DYNC2H1: variants seen among roughly 807,000 people sequenced by gnomAD.
DYNC2H1 encodes the protein dynein cytoplasmic 2 heavy chain 1.
A neutral mutation model predicts 570.0 loss-of-function variants in DYNC2H1; 410 were observed. The ratio of observed to expected loss-of-function variants is 0.72; its 90% CI spans 0.66 to 0.78. DYNC2H1 has a LOEUF of 0.78. Ranked by LOEUF, DYNC2H1 falls within the 30% of genes least tolerant of loss-of-function variation. The probability of loss-of-function intolerance (pLI) is 0.00; values close to 1 mark genes in which losing one functional copy is unlikely to be tolerated. For missense variants in DYNC2H1, 4,865 were observed against 5,046.4 expected, an observed-to-expected ratio of 0.96 and a Z score of 1.09; for synonymous variants, 1,688 against 1,677.6, an observed-to-expected ratio of 1.01 and a Z score of -0.15.
chr11:103,315,446 A>T (rs1247008692), intron 79 of DYNC2H1, among the ~76,000 whole-genome samples: 2 of 152,016 alleles, frequency 1.3e-5, no homozygotes, highest in Non-Finnish European at 2.9e-5. Flanking sequence ...TCAGTGTTTC[A>T]CTTATTAAGA....
Position 103,243,636 on chromosome 11 carries a change from T to C in DYNC2H1, c.9820-57T>C. 1 of 1,280,034 alleles carries C rather than the reference T, an allele frequency of 7.8e-7. No homozygotes were observed. The highest frequency in any genetic ancestry group is 1.1e-6 in the Non-Finnish European group (1 of 923,816). 79.3% of individuals were successfully genotyped at this position (1,280,034 alleles called of 1,614,324 possible). On this transcript the variant is annotated intron_variant, in intron 63 of 88. Transcript: ENST00000375735. The surrounding 1 kb of genome is among the most constrained non-coding windows in gnomAD (Gnocchi z 4.8). ...TATAATTTCTAGAAAACTATTTCCA[T>C]TTAAATGAAAGCTTATAATCATTAA...
chr11:103,173,111 T>C lies in DYNC2H1; in HGVS notation c.5364T>C (p.Phe1788=). 1 of 1,383,204 alleles carries C rather than the reference T, an allele frequency of 7.2e-7. No homozygotes were observed. The highest frequency in any genetic ancestry group is 2.2e-5 in the South Asian group (1 of 45,722). The allele number at this position is 1,383,204 out of a possible 1,614,324, so 85.7% of individuals were successfully genotyped here. The change falls in exon 35 of 89, where the codon TTT becomes TTC. Residue 1788 remains phenylalanine (F), a synonymous_variant. Transcript: ENST00000375735. ...EVEVNSNSGI[F]ITMNPAGKGY... ...AAGTAAATTCTAATTCTGGAATTTT[T>C]ATCACTATGAATCCTGCTGGAAAAG... is the stretch of plus-strand genomic sequence containing the variant.
At position 103,153,344 on chromosome 11, in the gene DYNC2H1, C is replaced by T; in HGVS notation, c.3138C>T (p.Ile1046=). ...GAAATGTGAAATCACGTCTTCAGAT[C>T]TATTATCAAGAACTGGAAAAATTTA... ...MKGNVKSRLQ[I]YYQELEKFKA... Residue 1046 remains isoleucine (I), a synonymous_variant, in exon 22 of 89, where the codon ATC becomes ATT. Transcript: ENST00000375735. 6.5e-7 allele frequency: 1 copy of T among 1,544,808 alleles called. No homozygotes were observed. The highest frequency in any genetic ancestry group is 1.2e-5 in the South Asian group (1 of 81,210).
chr11:103,427,443 C>T (rs2511496), intron 84 of DYNC2H1, among the ~76,000 whole-genome samples: 101,144 of 151,974 alleles, frequency 0.67, 35,311 homozygotes, highest in African/African-American at 0.89. Flanking sequence ...ATAAGTATTC[C>T]TAATGTATAC....
intron 82 of DYNC2H1, among the ~76,000 whole-genome samples, chr11:103,356,840 T>C (rs1372876188): frequency 6.6e-6 from 1 of 152,168 alleles, no homozygotes; most frequent in Non-Finnish European, 1.5e-5. Context: ...CCTGATTTTG[T>C]TATGAACTTT....
chr11:103,272,084 A>G (rs12286142), intron 70 of DYNC2H1, among the ~76,000 whole-genome samples: 5,192 of 152,278 alleles, frequency 0.034, 298 homozygotes, highest in African/African-American at 0.12. Flanking sequence ...TATATACCCA[A>G]AGAATTATAA....
chr11:103,362,845 C>T (rs1940720757), intron 83 of DYNC2H1, among the ~76,000 whole-genome samples: 1 of 152,090 alleles, frequency 6.6e-6, no homozygotes, highest in African/African-American at 2.4e-5. Context: ...GCCTGGCCAA[C>T]ATGGTGAAAC....
At chr11:103,450,499 A>T (rs1457855359) in intron 85 of DYNC2H1, among the ~76,000 whole-genome samples, 1 of 152,248 alleles carries the variant, frequency 6.6e-6, no homozygotes, top group Non-Finnish European at 1.5e-5. Context: ...CTTTCTCACC[A>T]CAATGGAATT....
intron 72 of DYNC2H1, 137 bp downstream of exon 72, chr11:103,282,366 C>T (rs541268613): frequency 1.4e-6 from 1 of 725,120 alleles, no homozygotes; most frequent in African/African-American, 1.9e-5. Flanking sequence ...ATATTCTGGC[C>T]TCTTAAGTAT....
chr11:103,232,886 T>C (rs1864069874), intron 60 of DYNC2H1, among the ~76,000 whole-genome samples: 1 of 36,016 alleles, frequency 2.8e-5, no homozygotes, highest in South Asian at 7.6e-4. Context: ...TATGGAAATG[T>C]TCTGTGCTCT....
At chr11:103,404,096 A>AT (rs1217337093) in intron 84 of DYNC2H1, 3 of 152,020 alleles carry the variant, frequency 2.0e-5, no homozygotes, top group Non-Finnish European at 4.4e-5. Context: ...GAGTATGGTC[A>AT]TGGAAAGTGA....
rs367945972 is a variant in DYNC2H1, at chr11:103,215,861, A to G, written c.8832+3A>G. ...AAATGATCACAGTGTCAATGCAGGTAATGTTTAGAGTGACCACAAAAATGA... is the reference window on the plus strand; with the variant it reads ...AAATGATCACAGTGTCAATGCAGGTGATGTTTAGAGTGACCACAAAAATGA... On this transcript the variant is annotated splice_donor_region_variant and intron_variant, in intron 55 of 88. Transcript: ENST00000375735. 1.2e-6 allele frequency: 2 copies of G among 1,612,178 alleles called. No homozygotes were observed. The highest frequency in any genetic ancestry group is 1.7e-5 in the Admixed American group (1 of 59,842).
At chr11:103,368,180 C>T (rs1358622634) in intron 83 of DYNC2H1, among the ~76,000 whole-genome samples, 3 of 152,130 alleles carry the variant, frequency 2.0e-5, no homozygotes, top group East Asian at 3.8e-4. Flanking sequence ...AAACTCTGTA[C>T]TTTTAAAATA....
At chr11:103,187,777 A>G (rs1302720962) in intron 43 of DYNC2H1, among the ~76,000 whole-genome samples, 191 bp downstream of exon 43, 1 of 152,110 alleles carries the variant, frequency 6.6e-6, no homozygotes, top group South Asian at 2.1e-4. Context: ...AGTTAGTATT[A>G]CGTCAGGATA....
At chr11:103,425,224 C>A (rs1018866066) in intron 84 of DYNC2H1, among the ~76,000 whole-genome samples, 3 of 152,170 alleles carry the variant, frequency 2.0e-5, no homozygotes, top group African/African-American at 7.2e-5. Context: ...CAGGTGGCGC[C>A]ACCTGGCCCA....
intron 6 of DYNC2H1, among the ~76,000 whole-genome samples, chr11:103,118,973 G>A (rs1258970418): frequency 1.3e-5 from 2 of 151,636 alleles, no homozygotes; most frequent in African/African-American, 4.9e-5. Flanking sequence ...ACAAAATGGT[G>A]ATTTTCTAAT....
intron 82 of DYNC2H1, among the ~76,000 whole-genome samples, chr11:103,350,137 A>G (rs1259346535): frequency 1.3e-5 from 2 of 152,152 alleles, no homozygotes; most frequent in Non-Finnish European, 2.9e-5. Flanking sequence ...ATGGCCAAGC[A>G]TGCACAGGGA....
At chr11:103,172,734 A>G (rs758833990) in intron 34 of DYNC2H1, among the ~76,000 whole-genome samples, 3 of 152,116 alleles carry the variant, frequency 2.0e-5, no homozygotes, top group Non-Finnish European at 4.4e-5. Flanking sequence ...TGTACTTAAC[A>G]AAGTGTTTAG....
At position 103,244,532 on chromosome 11, in the gene DYNC2H1, C is replaced by T. The variant is rs1286091823; in HGVS notation, c.9919-719C>T. Among the ~76,000 whole-genome samples, 4 of 148,922 alleles carry T rather than the reference C, an allele frequency of 2.7e-5. No homozygotes were observed. The highest frequency in any genetic ancestry group is 9.8e-5 in the African/African-American group (4 of 40,890). On this transcript the variant is annotated intron_variant, in intron 64 of 88. Coordinates refer to ENST00000375735, the MANE Select transcript of DYNC2H1 (RefSeq NM_001377.3). This position sits in a 1 kb window ranked among gnomAD's most constrained non-coding sequence, Gnocchi z 4.3. Reference sequence around the variant, plus strand: ...AAAATACTTTAATAATCATTTATGGCTTGCATATATGCAAATCATTTATGG... The same window carrying T: ...AAAATACTTTAATAATCATTTATGGTTTGCATATATGCAAATCATTTATGG...
Sources: allele counts gnomAD v4.1 joint callset (sites outside exome capture counted in the v4.1 genomes callset), GRCh38; gene constraint gnomAD v4.1.1; non-coding constraint Gnocchi (gnomAD v3.1); transcripts MANE v1.5; gene names NCBI Gene and HGNC (gene_info 2026-07-23, HGNC 2026-07-21).